CCDC158: variants seen among roughly 807,000 people sequenced by gnomAD.
CCDC158 encodes the protein coiled-coil domain containing 158, also known as coiled-coil domain-containing protein 158.
CCDC158 carries 116 observed loss-of-function variants against 138.6 expected under a neutral mutation model. The ratio of observed to expected loss-of-function variants is 0.84; its 90% CI spans 0.72 to 0.98. The LOEUF is 0.98. CCDC158 is among the 50% of genes least tolerant of loss of function. The pLI, the probability that CCDC158 is intolerant of heterozygous loss-of-function variation, is 0.00. For synonymous variants in CCDC158, 436 were observed against 442.4 expected (o/e 0.99, Z 0.18); for missense variants, 1,265 against 1,306.1 (o/e 0.97, Z 0.48).
intron 18 of CCDC158, among the ~76,000 whole-genome samples, chr4:76,341,242 T>C (rs576590472): frequency 4.3e-4 from 65 of 152,298 alleles, no homozygotes; most frequent in Admixed American, 8.5e-4. Context: ...AAGTGAGGCC[T>C]AGGGAGAGTG....
At position 76,382,534 on chromosome 4, in the gene CCDC158, G is replaced by T. The variant is rs796787043; in HGVS notation, c.914+76C>A. 11 of 913,902 alleles carry T rather than the reference G, an allele frequency of 1.2e-5. No homozygotes were observed. In the African/African-American group the frequency reaches 1.3e-4, roughly 11 times the overall value. The allele number at this position is 913,902 out of a possible 1,614,324, so 56.6% of individuals were successfully genotyped here. On this transcript the variant is annotated intron_variant, in intron 8 of 24. Transcript: ENST00000682701. Reference sequence around the variant, plus strand: ...AAATCTTACTAAGCAAGTTCTAAAAGATTATAGAACAGAAAGTTAATGAGA... The same window carrying T: ...AAATCTTACTAAGCAAGTTCTAAAATATTATAGAACAGAAAGTTAATGAGA...
chr4:76,412,395 T>C (rs1388782209), intron 1 of CCDC158, among the ~76,000 whole-genome samples: 1 of 152,210 alleles, frequency 6.6e-6, no homozygotes, highest in Non-Finnish European at 1.5e-5. Flanking sequence ...GGAAGACTGC[T>C]TGAGGCCAGG....
At position 76,339,427 on chromosome 4, in the gene CCDC158, A is replaced by C. The variant is rs536143456; in HGVS notation, c.2665-5260T>G. On this transcript the variant is annotated intron_variant, in intron 18 of 24. Coordinates refer to ENST00000682701, the MANE Select transcript of CCDC158 (RefSeq NM_001394954.1). ...AGACATACAGATGAAATAGCAGAGA[A>C]TAGTGAGGCACAATTGTTAGAGAGG... 5.1e-4 allele frequency among the ~76,000 whole-genome samples: 78 copies of C among 152,366 alleles called. 1 individual carries two copies. The highest frequency in any genetic ancestry group is 1.9e-3 in the Admixed American group (29 of 15,310).
At chr4:76,414,097 C>A (rs947692824) in intron 1 of CCDC158, among the ~76,000 whole-genome samples, 1 of 151,936 alleles carries the variant, frequency 6.6e-6, no homozygotes, top group South Asian at 2.1e-4. Context: ...TTAGTAGAGA[C>A]GGGGTTTTGC....
chr4:76,365,153 G>C (rs1280810756), intron 12 of CCDC158, among the ~76,000 whole-genome samples: 1 of 152,186 alleles, frequency 6.6e-6, no homozygotes, highest in African/African-American at 2.4e-5. Context: ...GAAAGGTCTA[G>C]CTCTGGGGAC....
At chr4:76,352,918 C>T (rs957375351) in intron 16 of CCDC158, 49 of 426,444 alleles carry the variant, frequency 1.1e-4, no homozygotes, top group Non-Finnish European at 1.2e-4. Flanking sequence ...GAAAATTTGG[C>T]AAAAAGTATG....
intron 2 of CCDC158, among the ~76,000 whole-genome samples, chr4:76,410,824 G>A (rs1729235540): frequency 6.6e-6 from 1 of 152,048 alleles, no homozygotes; most frequent in Non-Finnish European, 1.5e-5. Flanking sequence ...CTCAGTGTCT[G>A]TTTTCTCAAT....
chr4:76,374,916 T>C (rs1725576093), intron 9 of CCDC158, among the ~76,000 whole-genome samples: 1 of 152,198 alleles, frequency 6.6e-6, no homozygotes. Context: ...TCCATCTGTC[T>C]ATTAAGTATA....
intron 18 of CCDC158, among the ~76,000 whole-genome samples, chr4:76,339,754 T>C (rs1348804479): frequency 6.6e-6 from 1 of 152,234 alleles, no homozygotes; most frequent in African/African-American, 2.4e-5. Context: ...TGTGAGTTTA[T>C]GCACTGTGTC....
At chr4:76,327,291 A>C (rs189173426) in intron 22 of CCDC158, among the ~76,000 whole-genome samples, 10 of 152,324 alleles carry the variant, frequency 6.6e-5, no homozygotes, top group South Asian at 4.1e-4. Context: ...TTATTTAAAA[A>C]TTAAGAATTT....
intron 12 of CCDC158, among the ~76,000 whole-genome samples, chr4:76,362,710 T>A (rs1269676312): frequency 3.3e-5 from 5 of 152,218 alleles, no homozygotes; most frequent in Non-Finnish European, 2.9e-5. Flanking sequence ...ACTAGGGTAA[T>A]GCAAGTGAAG....
chr4:76,399,251 A>G (rs188146138), intron 3 of CCDC158, among the ~76,000 whole-genome samples: 5 of 152,268 alleles, frequency 3.3e-5, no homozygotes, highest in African/African-American at 7.2e-5. Flanking sequence ...ATTTTTCTAC[A>G]ACTTCAGAAA....
At chr4:76,335,043 TG>T (rs1721351586) in intron 18 of CCDC158, among the ~76,000 whole-genome samples, 1 of 152,208 alleles carries the variant, frequency 6.6e-6, no homozygotes. Context: ...TCCAACTCAC[TG>T]AATGTGTGCT....
At position 76,354,138 on chromosome 4, in the gene CCDC158, A is replaced by G. The variant is rs550208633; in HGVS notation, c.2287-857T>C. On this transcript the variant is annotated intron_variant, in intron 15 of 24. Transcript: ENST00000682701. ...AGAGCTACGATGAATATTTTCCTTT[A>G]GGCAAGGCAGGCATCTTTGTTGACA... Among the ~76,000 whole-genome samples the G allele has an allele frequency of 4.0e-5, 6 of 150,098 alleles. No individual in the cohort carries two copies. The East Asian group carries it at 1.0e-3, about 25-fold the overall frequency.
At chr4:76,339,327 A>G (rs1001776317) in intron 18 of CCDC158, among the ~76,000 whole-genome samples, 4 of 152,124 alleles carry the variant, frequency 2.6e-5, no homozygotes, top group Non-Finnish European at 5.9e-5. Flanking sequence ...TGCTACATAC[A>G]TTTGTCATGA....
At chr4:76,321,644 T>G in intron 24 of CCDC158, among the ~76,000 whole-genome samples, 1 of 146,872 alleles carries the variant, frequency 6.8e-6, no homozygotes, top group African/African-American at 2.5e-5. Flanking sequence ...CCTCCCATTC[T>G]TCCCCCATAT....
chr4:76,354,578 T>C (rs1723359403), intron 15 of CCDC158, among the ~76,000 whole-genome samples: 2 of 152,330 alleles, frequency 1.3e-5, no homozygotes, highest in South Asian at 4.1e-4. Flanking sequence ...GCAAACTTCA[T>C]GGTTGCTTAT....
At position 76,334,014 on chromosome 4, in the gene CCDC158, C is replaced by A; in HGVS notation, c.2818G>T (p.Ala940Ser). ...TCTGTGTGCACACAGCCTTACACAGCCACATACAAGGCTCCCAGAGATGTT... is the reference window on the plus strand; with the variant it reads ...TCTGTGTGCACACAGCCTTACACAGACACATACAAGGCTCCCAGAGATGTT... ...GRTSLGALYV[A>S]VEDRVRDCIT... is the part of the protein sequence containing the mutation. Residue 940 changes from alanine to serine, a missense_variant, in exon 19 of 25, where the codon GCT becomes TCT. Coordinates refer to ENST00000682701, the MANE Select transcript of CCDC158 (RefSeq NM_001394954.1). 1 of 1,607,594 alleles carries A rather than the reference C, an allele frequency of 6.2e-7. No homozygotes were observed. The highest frequency in any genetic ancestry group is 8.5e-7 in the Non-Finnish European group (1 of 1,176,096).
At chr4:76,318,935 C>T (rs1719670857) in intron 24 of CCDC158, among the ~76,000 whole-genome samples, 2 of 152,162 alleles carry the variant, frequency 1.3e-5, no homozygotes, top group Admixed American at 1.3e-4. Flanking sequence ...CGAGACCAGC[C>T]TGGCCAACAT....
Sources: gnomAD v4.1 joint callset for allele counts (sites outside exome capture counted in the v4.1 genomes callset) on GRCh38, gnomAD v4.1.1 for gene constraint, MANE v1.5 for transcripts, NCBI Gene and HGNC (gene_info 2026-07-23, HGNC 2026-07-21) for gene names.